Variants in LINC00237 observed in about 807,000 individuals in gnomAD.
The protein encoded by LINC00237 is long intergenic non-protein coding RNA 237.
chr20:21,095,268 T>C (rs1003510668), intron 1 of LINC00237, among the ~76,000 whole-genome samples: 1 of 152,056 alleles, frequency 6.6e-6, no homozygotes, highest in Admixed American at 6.6e-5. Flanking sequence ...GGGTACAGAA[T>C]GATTAGAGGT....
chr20:21,098,710 T>C (rs913473257), intron 1 of LINC00237, among the ~76,000 whole-genome samples: 2 of 152,184 alleles, frequency 1.3e-5, no homozygotes, highest in African/African-American at 4.8e-5. Context: ...AAGTAGAATA[T>C]TGAATGGGTG....
intron 3 of LINC00237, among the ~76,000 whole-genome samples, chr20:21,086,763 T>C (rs1286436503): frequency 8.2e-6 from 1 of 122,492 alleles, no homozygotes; most frequent in African/African-American, 3.1e-5. Flanking sequence ...TATATATACA[T>C]ATACTATACT....
intron 3 of LINC00237, among the ~76,000 whole-genome samples, chr20:21,086,798 CTATA>C (rs571541249): frequency 8.2e-6 from 1 of 121,474 alleles, no homozygotes; most frequent in Non-Finnish European, 1.7e-5. Flanking sequence ...TATACATATA[CTATA>C]TATATGTATA....
intron 1 of LINC00237, among the ~76,000 whole-genome samples, chr20:21,094,968 T>C (rs747205843): frequency 2.6e-4 from 39 of 152,032 alleles, no homozygotes; most frequent in Non-Finnish European, 3.7e-4. Context: ...GGAGCATCGC[T>C]TGAACCCAGG....
At chr20:21,091,730 G>T (rs550117431) in intron 2 of LINC00237, among the ~76,000 whole-genome samples, 21 of 152,242 alleles carry the variant, frequency 1.4e-4, no homozygotes, top group African/African-American at 4.6e-4. Flanking sequence ...GTTTTCCGCA[G>T]CAGGATGTAG....
chr20:21,104,853 G>A (rs925237193), intron 1 of LINC00237, among the ~76,000 whole-genome samples: 3 of 152,096 alleles, frequency 2.0e-5, no homozygotes, highest in Non-Finnish European at 4.4e-5. Flanking sequence ...ACACACAGGC[G>A]CGTACACACA....
chr20:21,105,277 C>G (rs2030984255), intron 1 of LINC00237, among the ~76,000 whole-genome samples: 2 of 152,096 alleles, frequency 1.3e-5, no homozygotes, highest in Admixed American at 1.3e-4. Flanking sequence ...GAACAACCCC[C>G]CCGTCCCCCG....
intron 1 of LINC00237, among the ~76,000 whole-genome samples, chr20:21,096,041 GTC>G (rs2030853905): frequency 6.6e-6 from 1 of 152,124 alleles, no homozygotes; most frequent in African/African-American, 2.4e-5. Context: ...TCCCTTCTCT[GTC>G]TCTCAACTTC....
chr20:21,102,199 C>T (rs555008730), intron 1 of LINC00237, among the ~76,000 whole-genome samples: 1 of 152,358 alleles, frequency 6.6e-6, no homozygotes, highest in South Asian at 2.1e-4. Context: ...ACTTCAAGGC[C>T]AAGTGGAGAG....
chr20:21,105,116 G>A (rs535706477), intron 1 of LINC00237, among the ~76,000 whole-genome samples: 10 of 152,346 alleles, frequency 6.6e-5, no homozygotes, highest in African/African-American at 1.9e-4. Flanking sequence ...GCCTCTCTGG[G>A]TGAAGGAAAG....
intron 3 of LINC00237, among the ~76,000 whole-genome samples, chr20:21,086,597 GTA>G (rs560962784): frequency 9.1e-4 from 61 of 67,348 alleles, no homozygotes; most frequent in African/African-American, 3.1e-3. Flanking sequence ...GTATACACTA[GTA>G]TATATATGTA....
At chr20:21,094,138 G>T (rs924972232) in intron 1 of LINC00237, among the ~76,000 whole-genome samples, 8 of 152,152 alleles carry the variant, frequency 5.3e-5, no homozygotes, top group African/African-American at 1.9e-4. Context: ...ATGCTGGGAG[G>T]ATTTCAGAAT....
intron 3 of LINC00237, chr20:21,087,905 A>G (rs2030735844): frequency 6.6e-6 from 1 of 152,196 alleles, no homozygotes; most frequent in African/African-American, 2.4e-5. Context: ...TCAAGTGTTT[A>G]TGGCAGCAAA....
chr20:21,096,080 C>G (rs941018896), intron 1 of LINC00237, among the ~76,000 whole-genome samples: 2 of 152,198 alleles, frequency 1.3e-5, no homozygotes, highest in African/African-American at 4.8e-5. Flanking sequence ...TTCCAGAGAT[C>G]ACCTTTCGGT....
chr20:21,101,578 GC>G lies in LINC00237; in HGVS notation n.88+4692del. ...GCGGCCGCCAGCTCCAGGGGCTCGGGCCCCAGGTTGGAGTAGCCACGCTAGC... is the reference window on the plus strand; with the variant it reads ...GCGGCCGCCAGCTCCAGGGGCTCGGGCCCAGGTTGGAGTAGCCACGCTAGC... On this transcript the variant is annotated intron_variant and non_coding_transcript_variant, in intron 1 of 3. Coordinates refer to ENST00000691244, the Ensembl canonical transcript of LINC00237. The surrounding 1 kb of genome is among the most constrained non-coding windows in gnomAD (Gnocchi z 4.3). 6.6e-6 allele frequency: 1 copy of G among 152,504 alleles called. No individual in the cohort carries two copies. The highest frequency in any genetic ancestry group is 2.4e-5 in the African/African-American group (1 of 41,580). The allele number at this position is 152,504 out of a possible 1,614,324, so 9.4% of individuals were successfully genotyped here.
chr20:21,091,263 C>T (rs1014299067), intron 2 of LINC00237, among the ~76,000 whole-genome samples: 4 of 152,154 alleles, frequency 2.6e-5, no homozygotes, highest in Non-Finnish European at 5.9e-5. Flanking sequence ...CATAATGCAG[C>T]TTGTTAGCAG....
At chr20:21,096,560 G>A (rs1277738549) in intron 1 of LINC00237, among the ~76,000 whole-genome samples, 1 of 152,280 alleles carries the variant, frequency 6.6e-6, no homozygotes, top group East Asian at 1.9e-4. Flanking sequence ...AGGAGTCTCC[G>A]ACCCTGGAAG....
chr20:21,086,783 C>A lies in LINC00237; in HGVS notation n.560-895G>T, dbSNP rs1346782605. 1.3e-3 allele frequency among the ~76,000 whole-genome samples: 152 copies of A among 119,784 alleles called. 1 individual carries two copies. The highest frequency in any genetic ancestry group is 4.7e-3 in the African/African-American group (148 of 31,532). The allele number at this position is 119,784 out of a possible 152,430, so 78.6% of individuals were successfully genotyped here. On this transcript the variant is annotated intron_variant and non_coding_transcript_variant, in intron 3 of 3. Transcript: ENST00000691244. ...ATACATATACTATACTATACATGTA[C>A]TATATATACATATACTATATATATG... is the stretch of plus-strand genomic sequence containing the variant.
intron 2 of LINC00237, among the ~76,000 whole-genome samples, chr20:21,089,005 G>C (rs1210852284): frequency 6.6e-6 from 1 of 151,804 alleles, no homozygotes; most frequent in Admixed American, 6.6e-5. Context: ...CTCTTTTTTA[G>C]CCATTAAGTA....
Sources: gnomAD v4.1 joint callset for allele counts (sites outside exome capture counted in the v4.1 genomes callset) on GRCh38, gnomAD v4.1.1 for gene constraint, Gnocchi (gnomAD v3.1) non-coding constraint, MANE v1.5 for transcripts, NCBI Gene and HGNC (gene_info 2026-07-23, HGNC 2026-07-21) for gene names.